Variants in TMEM131L observed in about 807,000 individuals in gnomAD.
The protein encoded by TMEM131L is transmembrane protein 131-like.
In TMEM131L, 54 loss-of-function variants were observed where a neutral mutation model predicts 192.2. The ratio of observed to expected loss-of-function variants is 0.28; its 90% confidence interval spans 0.23 to 0.35. The LOEUF (loss-of-function observed/expected upper bound fraction) is 0.35. Among genes scored for constraint, TMEM131L ranks in the 10% least tolerant of loss-of-function variants. The probability of loss-of-function intolerance (pLI) is 1.00; values close to 1 mark genes in which losing one functional copy is unlikely to be tolerated. For synonymous variants in TMEM131L, 701 were observed against 704.9 expected, an observed-to-expected ratio of 0.99 and a Z score of 0.09; for missense variants, 1,888 against 1,972.9, an observed-to-expected ratio of 0.96 and a Z score of 0.82.
intron 6 of TMEM131L, 89 bp from the exon 7 acceptor site, chr4:153,558,169 C>T (rs1728609957): frequency 3.1e-6 from 2 of 637,310 alleles, no homozygotes; most frequent in Non-Finnish European, 5.8e-6. Flanking sequence ...CTGATGAATA[C>T]AGATTTCCTT....
At chr4:153,565,782 AATT>A (rs1729148430) in intron 7 of TMEM131L, among the ~76,000 whole-genome samples, 1 of 152,364 alleles carries the variant, frequency 6.6e-6, no homozygotes, top group South Asian at 2.1e-4. Context: ...TTTGAATTAT[AATT>A]ATGATACCTA....
At chr4:153,550,468 A>T (rs1580193521) in intron 4 of TMEM131L, among the ~76,000 whole-genome samples, 1 of 152,024 alleles carries the variant, frequency 6.6e-6, no homozygotes, top group Non-Finnish European at 1.5e-5. Flanking sequence ...CTGGGACTAC[A>T]GGCACCCGCC....
At chr4:153,551,443 C>T (rs894673792) in intron 4 of TMEM131L, among the ~76,000 whole-genome samples, 3 of 151,984 alleles carry the variant, frequency 2.0e-5, no homozygotes, top group South Asian at 4.1e-4. Flanking sequence ...CTGCAGCCTC[C>T]GCCTGTTGGG....
intron 31 of TMEM131L, among the ~76,000 whole-genome samples, chr4:153,630,924 C>T (rs868135003): frequency 1.3e-5 from 2 of 152,350 alleles, no homozygotes; most frequent in Non-Finnish European, 1.5e-5. Context: ...AAGCCAAGAT[C>T]CATTTTCACA....
chr4:153,471,863 T>C (rs1482466345), intron 2 of TMEM131L, among the ~76,000 whole-genome samples: 1 of 152,254 alleles, frequency 6.6e-6, no homozygotes, highest in Non-Finnish European at 1.5e-5. Context: ...AATCTGCCTT[T>C]AAAAATATCA....
chr4:153,614,718 A>T (rs372513694), intron 26 of TMEM131L, among the ~76,000 whole-genome samples: 2 of 30,652 alleles, frequency 6.5e-5, no homozygotes, highest in Non-Finnish European at 1.6e-4. Flanking sequence ...ATCATTCTCA[A>T]TGTTTTGGCA....
At chr4:153,595,876 G>A (rs1468001134) in intron 19 of TMEM131L, among the ~76,000 whole-genome samples, 3 of 152,202 alleles carry the variant, frequency 2.0e-5, no homozygotes, top group African/African-American at 7.2e-5. Flanking sequence ...GGGTTGTCCA[G>A]TGGTGGGTGA....
chr4:153,499,290 A>G (rs1047109255), intron 3 of TMEM131L, among the ~76,000 whole-genome samples: 1 of 152,104 alleles, frequency 6.6e-6, no homozygotes, highest in African/African-American at 2.4e-5. Context: ...GGAGGTTTGG[A>G]GGATGCCCAG....
At chr4:153,466,622 G>A (rs1337292992) in intron 1 of TMEM131L, 101 bp downstream of exon 1, 1 of 1,120,236 alleles carries the variant, frequency 8.9e-7, no homozygotes, top group Non-Finnish European at 1.1e-6. Context: ...GGGAGGAAAG[G>A]GAAAGGGGCA....
intron 3 of TMEM131L, among the ~76,000 whole-genome samples, chr4:153,531,651 T>A (rs1044737151): frequency 6.6e-6 from 1 of 152,226 alleles, no homozygotes; most frequent in Non-Finnish European, 1.5e-5. Flanking sequence ...CGCTATTTTA[T>A]TGTATAAAGT....
At chr4:153,635,602 C>G (rs761140493) in intron 34 of TMEM131L, 31 bp downstream of exon 34, 13 of 1,612,268 alleles carry the variant, frequency 8.1e-6, no homozygotes, top group Non-Finnish European at 1.1e-5. Context: ...GCCGTGAACC[C>G]CTGGGCAGCT....
At chr4:153,549,216 C>T (rs770647370) in intron 3 of TMEM131L, among the ~76,000 whole-genome samples, 1 of 152,204 alleles carries the variant, frequency 6.6e-6, no homozygotes, top group Non-Finnish European at 1.5e-5. Flanking sequence ...ATCTGCCTGC[C>T]TTGGCCTCTC....
At chr4:153,606,933 AGTTT>A (rs1732279096) in intron 25 of TMEM131L, among the ~76,000 whole-genome samples, 1 of 152,240 alleles carries the variant, frequency 6.6e-6, no homozygotes, top group African/African-American at 2.4e-5. Context: ...CTCCCAGGGA[AGTTT>A]GTACATGGAC....
At chr4:153,485,745 A>C (rs1732287700) in intron 3 of TMEM131L, among the ~76,000 whole-genome samples, 1 of 152,206 alleles carries the variant, frequency 6.6e-6, no homozygotes, top group Non-Finnish European at 1.5e-5. Context: ...GATTGTAATT[A>C]ATCCTGTTTC....
At chr4:153,572,871 C>G (rs539561673) in intron 7 of TMEM131L, among the ~76,000 whole-genome samples, 1 of 152,294 alleles carries the variant, frequency 6.6e-6, no homozygotes, top group South Asian at 2.1e-4. Context: ...CCTCAGCCAC[C>G]ATTATTCTCC....
Position 153,628,449 on chromosome 4 carries a change from C to T in TMEM131L, c.4207+762C>T, listed in dbSNP as rs76520640. Among the ~76,000 whole-genome samples the T allele has an allele frequency of 1.1e-4, 17 of 152,222 alleles. No individual in the cohort carries two copies. In the East Asian group the frequency reaches 3.1e-3, roughly 28 times the overall value. On this transcript the variant is annotated intron_variant, in intron 31 of 34. Transcript: ENST00000409959. Reference sequence around the variant, plus strand: ...TGGCAGGATAAACCTGATTTTTATTCTCTGTGTCTTTAATACACATACTTG... The same window carrying T: ...TGGCAGGATAAACCTGATTTTTATTTTCTGTGTCTTTAATACACATACTTG...
intron 7 of TMEM131L, 130 bp from the exon 8 acceptor site, chr4:153,580,696 T>C: frequency 1.7e-6 from 1 of 600,536 alleles, no homozygotes; most frequent in Non-Finnish European, 3.0e-6. Context: ...GCCCAGCATT[T>C]AGCAGATACT....
At chr4:153,550,389 T>C (rs532931164) in intron 4 of TMEM131L, among the ~76,000 whole-genome samples, 14 of 152,238 alleles carry the variant, frequency 9.2e-5, no homozygotes, top group Non-Finnish European at 1.6e-4. Flanking sequence ...TGCAGTGGCG[T>C]GATCTCTGCT....
At position 153,627,626 on chromosome 4, in the gene TMEM131L, A is replaced by C. The variant is rs1197846199; in HGVS notation, c.4146A>C (p.Gln1382His). ...CNPMTVNSLP[Q>H]YAEPSCPSLP... Reference sequence around the variant, plus strand: ...ACAGGACCGTGAATAGTCTCCCACAATACGCAGAGCCTTCCTGTCCCAGCC... The same window carrying C: ...ACAGGACCGTGAATAGTCTCCCACACTACGCAGAGCCTTCCTGTCCCAGCC... The change falls in exon 31 of 35, where the codon CAA (glutamine) becomes CAC (histidine). Residue 1382 changes from glutamine (Q) to histidine (H), a missense_variant. Coordinates refer to ENST00000409959, the MANE Select transcript of TMEM131L (RefSeq NM_001131007.2). The C allele has an allele frequency of 6.2e-7, 1 of 1,613,852 alleles. No individual in the cohort carries two copies. Among genetic ancestry groups the C allele is most frequent in the Admixed American group, 1.7e-5 (1 of 60,000 alleles).
Sources: gnomAD v4.1 joint callset for allele counts (sites outside exome capture counted in the v4.1 genomes callset) on GRCh38, gnomAD v4.1.1 for gene constraint, MANE v1.5 for transcripts, NCBI Gene and HGNC (gene_info 2026-07-23, HGNC 2026-07-21) for gene names.